Variants in PSD3 observed in about 807,000 individuals in gnomAD.
PSD3 encodes PH and SEC7 domain-containing protein 3.
A neutral mutation model predicts 105.5 loss-of-function variants in PSD3; 49 were observed. The observed-to-expected ratio is 0.46, with a 90% CI of 0.37 to 0.59. The LOEUF (loss-of-function observed/expected upper bound fraction) is 0.59, where lower values mean the gene tolerates loss of function less well. PSD3 is among the 20% of genes least tolerant of loss of function. PSD3 has a pLI of 0.00. For missense variants in PSD3, 1,561 were observed against 1,263.8 expected (o/e 1.24, Z -3.57); for synonymous variants, 557 against 457.8 (o/e 1.22, Z -2.77).
At chr8:18,553,677 T>C (rs1299919981) in intron 15 of PSD3, among the ~76,000 whole-genome samples, 2 of 152,130 alleles carry the variant, frequency 1.3e-5, no homozygotes, top group Non-Finnish European at 2.9e-5. Flanking sequence ...GCTGCAACAA[T>C]AGCAAAGTGG....
At position 18,615,312 on chromosome 8, in the gene PSD3, TTTAAA is replaced by T. The variant is rs925393020; in HGVS notation, c.2411-14883_2411-14879del. On this transcript the variant is annotated intron_variant, in intron 11 of 15. Transcript: ENST00000327040. Reference sequence around the variant, plus strand: ...CCAAAGCACTCACCCAGTGACTCTCTTTAAATTAGTCAATCGGAATTAGTTTAGCC... The same window carrying T: ...CCAAAGCACTCACCCAGTGACTCTCTTTAGTCAATCGGAATTAGTTTAGCC... Among the ~76,000 whole-genome samples the T allele has an allele frequency of 3.3e-5, 5 of 152,076 alleles. No homozygotes were observed. The South Asian group carries it at 6.2e-4, about 19-fold the overall frequency.
chr8:18,821,717 A>ACACACACACACAC (rs1554513425), intron 4 of PSD3, among the ~76,000 whole-genome samples: 3 of 141,114 alleles, frequency 2.1e-5, no homozygotes, highest in Non-Finnish European at 4.6e-5. Context: ...ACACACACAC[A>ACACACACACACAC]CCCCAATAAC....
chr8:18,821,717 A>ACACACTCACACACC (rs1554513425), intron 4 of PSD3, among the ~76,000 whole-genome samples: 1 of 141,120 alleles, frequency 7.1e-6, no homozygotes, highest in Non-Finnish European at 1.5e-5. Context: ...ACACACACAC[A>ACACACTCACACACC]CCCCAATAAC....
intron 8 of PSD3, among the ~76,000 whole-genome samples, chr8:18,770,585 T>C (rs969756255): frequency 4.6e-5 from 7 of 152,204 alleles, no homozygotes; most frequent in Non-Finnish European, 8.8e-5. Context: ...AGCAAACAGG[T>C]GAGTGGGTAC....
chr8:18,938,054 C>T (rs1326859308), intron 1 of PSD3, among the ~76,000 whole-genome samples: 8 of 152,096 alleles, frequency 5.3e-5, no homozygotes, highest in Admixed American at 2.6e-4. Context: ...AAGGAAAGGA[C>T]GGAGCATTTT....
intron 2 of PSD3, chr8:18,924,652 T>C (rs1280713316): frequency 1.3e-5 from 2 of 152,214 alleles, no homozygotes; most frequent in Non-Finnish European, 2.9e-5. Flanking sequence ...AAGATCTGAA[T>C]AGGCATGAGT....
At chr8:18,970,630 T>C (rs1824589267) in intron 1 of PSD3, among the ~76,000 whole-genome samples, 1 of 152,064 alleles carries the variant, frequency 6.6e-6, no homozygotes, top group South Asian at 2.1e-4. Context: ...ATTTAGTCTT[T>C]CCTAGAATTG....
At chr8:18,691,300 A>G (rs939084844) in intron 9 of PSD3, among the ~76,000 whole-genome samples, 3 of 152,236 alleles carry the variant, frequency 2.0e-5, no homozygotes, top group Non-Finnish European at 4.4e-5. Flanking sequence ...TTTAGACCAG[A>G]GTGATGCATT....
intron 8 of PSD3, among the ~76,000 whole-genome samples, chr8:18,776,712 G>C (rs1808131306): frequency 1.3e-5 from 2 of 152,112 alleles, no homozygotes; most frequent in African/African-American, 4.8e-5. Flanking sequence ...ACTGAGCAGT[G>C]AAACTGTCAG....
intron 9 of PSD3, among the ~76,000 whole-genome samples, chr8:18,671,663 C>T (rs1373196737): frequency 1.3e-5 from 2 of 150,654 alleles, no homozygotes; most frequent in African/African-American, 4.9e-5. Flanking sequence ...GATGGAGTCT[C>T]GCTTTGTCGC....
intron 9 of PSD3, among the ~76,000 whole-genome samples, chr8:18,756,723 C>T (rs1404596907): frequency 1.4e-5 from 2 of 145,898 alleles, no homozygotes; most frequent in African/African-American, 2.5e-5. Flanking sequence ...GGAGCGGTGA[C>T]AGGGAGGAGT....
intron 11 of PSD3, among the ~76,000 whole-genome samples, chr8:18,625,948 C>T: frequency 6.6e-6 from 1 of 151,774 alleles, no homozygotes; most frequent in African/African-American, 2.4e-5. Context: ...TCTTGATTTC[C>T]ACAAGTATGT....
intron 1 of PSD3, among the ~76,000 whole-genome samples, chr8:18,996,172 C>T (rs530166424): frequency 6.6e-6 from 1 of 152,048 alleles, no homozygotes; most frequent in Non-Finnish European, 1.5e-5. Flanking sequence ...AAACATGGGG[C>T]CTTTTGTGTT....
intron 12 of PSD3, among the ~76,000 whole-genome samples, chr8:18,582,572 T>C (rs1028324616): frequency 6.6e-6 from 1 of 152,134 alleles, no homozygotes; most frequent in Non-Finnish European, 1.5e-5. Flanking sequence ...TTTTTGTTAA[T>C]GACTGTTCAG....
At chr8:18,754,639 C>T (rs1003255742) in intron 9 of PSD3, among the ~76,000 whole-genome samples, 3 of 152,006 alleles carry the variant, frequency 2.0e-5, no homozygotes, top group Non-Finnish European at 2.9e-5. Context: ...TTATTAAAAA[C>T]AGGATCTAAA....
At chr8:18,994,031 G>A (rs1020590096) in intron 1 of PSD3, among the ~76,000 whole-genome samples, 5 of 151,694 alleles carry the variant, frequency 3.3e-5, no homozygotes, top group African/African-American at 7.3e-5. Flanking sequence ...CTCTGGAACC[G>A]GACTGACTAG....
At chr8:18,717,758 C>G (rs1302569102) in intron 9 of PSD3, among the ~76,000 whole-genome samples, 2 of 152,162 alleles carry the variant, frequency 1.3e-5, no homozygotes, top group Non-Finnish European at 2.9e-5. Flanking sequence ...TTCCCTTTGC[C>G]TTCTCTCCAT....
intron 1 of PSD3, among the ~76,000 whole-genome samples, chr8:18,966,132 T>C (rs1462779612): frequency 2.0e-5 from 3 of 152,094 alleles, no homozygotes; most frequent in African/African-American, 2.4e-5. Context: ...CAGTAAAGAG[T>C]TGACTATACC....
chr8:18,556,639 C>T (rs1343610809), intron 14 of PSD3, among the ~76,000 whole-genome samples: 2 of 152,164 alleles, frequency 1.3e-5, no homozygotes, highest in Non-Finnish European at 2.9e-5. Flanking sequence ...GAGTTGGGAC[C>T]AGGCCTTAAG....
Sources: allele counts gnomAD v4.1 joint callset (sites outside exome capture counted in the v4.1 genomes callset), GRCh38; gene constraint gnomAD v4.1.1; transcripts MANE v1.5; gene names NCBI Gene and HGNC (gene_info 2026-07-23, HGNC 2026-07-21).